The following PTGER4 variants were observed in gnomAD, a reference collection of about 807,000 sequenced individuals.
PTGER4 encodes the protein prostaglandin E2 receptor EP4 subtype.
In PTGER4, 11 loss-of-function variants were observed where a neutral mutation model predicts 33.2. That is an observed-to-expected ratio of 0.33 (90% CI 0.21 to 0.55). The LOEUF is 0.55. PTGER4 is among the 20% of genes least tolerant of loss of function. The pLI, the probability that PTGER4 is intolerant of heterozygous loss-of-function variation, is 0.92. For missense variants in PTGER4, 481 were observed against 650.2 expected (o/e 0.74, Z 2.83); for synonymous variants, 275 against 281.5 (o/e 0.98, Z 0.23).
At chr5:40,728,948 A>G in the PTGER4 span, among the ~76,000 whole-genome samples, 2 of 152,188 alleles carry the variant, frequency 1.3e-5, no homozygotes, top group Non-Finnish European at 2.9e-5. Context: ...ATTTCAAACC[A>G]TACATACTAG....
chr5:40,680,838 A>T lies in PTGER4; in HGVS notation c.-43-113A>T. The T allele has an allele frequency of 1.0e-6, 1 of 969,546 alleles. No homozygotes were observed. Among genetic ancestry groups the T allele is most frequent in the Non-Finnish European group, 1.5e-6 (1 of 654,202 alleles). The allele number at this position is 969,546 out of a possible 1,614,324, so 60.1% of individuals were successfully genotyped here. On this transcript the variant is annotated intron_variant, in intron 1 of 2. Coordinates refer to ENST00000302472, the MANE Select transcript of PTGER4 (RefSeq NM_000958.3). This position sits in a 1 kb window ranked among gnomAD's most constrained non-coding sequence, Gnocchi z 5.5. The stretch of plus-strand genomic sequence containing the variant: ...AAGTGGCTACAATCCAGAAAGTAGG[A>T]TCGAGTTGCTCCCCTTGTCTTATCA...
At chr5:40,726,539 C>T in the PTGER4 span, among the ~76,000 whole-genome samples, 9 of 139,274 alleles carry the variant, frequency 6.5e-5, no homozygotes, top group African/African-American at 2.3e-4. Flanking sequence ...CTAAAAATTA[C>T]ATTTAAATGG....
At chr5:40,738,766 T>A in the PTGER4 span, among the ~76,000 whole-genome samples, 1 of 152,124 alleles carries the variant, frequency 6.6e-6, no homozygotes, top group South Asian at 2.1e-4. Flanking sequence ...AGTATCTCAT[T>A]GTGGTTTTAA....
downstream of PTGER4, among the ~76,000 whole-genome samples, chr5:40,694,654 T>TA (rs1193958292): frequency 1.3e-5 from 2 of 152,216 alleles, no homozygotes; most frequent in Non-Finnish European, 2.9e-5. Context: ...CATACTGGAT[T>TA]AGGGCCCCAC....
chr5:40,735,290 G>T, the PTGER4 span, among the ~76,000 whole-genome samples: 1 of 151,872 alleles, frequency 6.6e-6, no homozygotes, highest in African/African-American at 2.4e-5. Flanking sequence ...AGACAGTAAG[G>T]GTACAAAAAT....
chr5:40,731,299 C>T, the PTGER4 span, among the ~76,000 whole-genome samples: 1 of 152,302 alleles, frequency 6.6e-6, no homozygotes, highest in East Asian at 1.9e-4. Context: ...CTGTGCTCCA[C>T]TCAGCAGGGT....
chr5:40,684,291 T>C (rs1489584141), intron 2 of PTGER4, among the ~76,000 whole-genome samples: 1 of 152,220 alleles, frequency 6.6e-6, no homozygotes, highest in African/African-American at 2.4e-5. Context: ...GTTGAGCTTA[T>C]CTTCAGTTCC....
the PTGER4 span, among the ~76,000 whole-genome samples, chr5:40,702,292 AAT>A: frequency 6.6e-6 from 1 of 152,228 alleles, no homozygotes; most frequent in Non-Finnish European, 1.5e-5. Context: ...TCTCACACAT[AAT>A]GACACTCACA....
At position 40,693,657 on chromosome 5, in the gene PTGER4, C is replaced by T; in HGVS notation, c.*1279C>T. The T allele has an allele frequency of 4.1e-6, 4 of 982,172 alleles. No homozygotes were observed. Among genetic ancestry groups the T allele is most frequent in the Non-Finnish European group, 4.8e-6 (4 of 826,550 alleles). 60.8% of individuals were successfully genotyped at this position (982,172 alleles called of 1,614,324 possible). A position where few individuals can be genotyped will look rare whatever the true frequency, so the allele number is the denominator to read the frequency against. Reference sequence around the variant, plus strand: ...TGCTTGGTTGTAATTAAATTCTGAGCCTGATATTGATATGGTTTTAAGAAG... The same window carrying T: ...TGCTTGGTTGTAATTAAATTCTGAGTCTGATATTGATATGGTTTTAAGAAG... On this transcript the variant is annotated 3_prime_UTR_variant, in exon 3 of 3. Transcript: ENST00000302472.
chr5:40,733,352 A>G, the PTGER4 span, among the ~76,000 whole-genome samples: 1 of 152,166 alleles, frequency 6.6e-6, no homozygotes, highest in Non-Finnish European at 1.5e-5. Context: ...CATACAGTCT[A>G]TCACAACTAT....
chr5:40,697,680 T>C (rs900463184), downstream of PTGER4, among the ~76,000 whole-genome samples: 1 of 59,648 alleles, frequency 1.7e-5, no homozygotes, highest in Non-Finnish European at 3.3e-5. Context: ...ATAGTTCTAT[T>C]AGAAAAATTA....
At chr5:40,722,330 C>T in the PTGER4 span, among the ~76,000 whole-genome samples, 2 of 152,168 alleles carry the variant, frequency 1.3e-5, no homozygotes, top group Non-Finnish European at 2.9e-5. Context: ...GCCGCCACCC[C>T]GTCTAGGAAG....
the PTGER4 span, among the ~76,000 whole-genome samples, chr5:40,724,905 T>G: frequency 6.7e-6 from 1 of 150,072 alleles, no homozygotes; most frequent in Non-Finnish European, 1.5e-5. Context: ...CATGCTGGAG[T>G]GCAGTGGTGC....
intron 2 of PTGER4, chr5:40,685,551 C>T (rs912327951): frequency 1.4e-6 from 1 of 714,226 alleles, no homozygotes; most frequent in Non-Finnish European, 1.7e-6. Context: ...TAAAAAATTG[C>T]AATGCCTAGA....
downstream of PTGER4, among the ~76,000 whole-genome samples, chr5:40,697,455 C>T (rs182722676): frequency 3.8e-3 from 575 of 151,652 alleles, 7 homozygotes; most frequent in Middle Eastern, 0.014. Context: ...CGTGGTGGCG[C>T]ATGCCTGTAA....
rs1741512500 is a variant in PTGER4 at position 40,693,030 on chromosome 5, A to C, written c.*652A>C. 1 of 901,704 alleles carries C rather than the reference A, an allele frequency of 1.1e-6. No individual in the cohort carries two copies. The highest frequency in any genetic ancestry group is 6.2e-5 in the Admixed American group (1 of 16,146). The allele number at this position is 901,704 out of a possible 1,614,324, so 55.9% of individuals were successfully genotyped here. ...ATCTATAAAATAGATATAAATTTTT[A>C]AGAGAAAGAATTTAGTATTATCAAA... On this transcript the variant is annotated 3_prime_UTR_variant, in exon 3 of 3. Coordinates refer to ENST00000302472, the MANE Select transcript of PTGER4 (RefSeq NM_000958.3).
At chr5:40,697,101 G>A (rs370282492), downstream of PTGER4, among the ~76,000 whole-genome samples, 39,316 of 90,798 alleles carry the variant, frequency 0.43, 6,949 homozygotes, top group Admixed American at 0.54. Flanking sequence ...AAAGAGAAAA[G>A]AAAGAAAGGA....
At chr5:40,709,905 C>T in the PTGER4 span, among the ~76,000 whole-genome samples, 335 of 151,380 alleles carry the variant, frequency 2.2e-3, no homozygotes, top group African/African-American at 8.0e-3. Flanking sequence ...CCCTTCCTTA[C>T]ACCTTATACA....
In PTGER4 at chr5:40,680,871, G is replaced by A; in HGVS notation, c.-43-80G>A. 7.9e-7 allele frequency: 1 copy of A among 1,259,638 alleles called. No individual in the cohort carries two copies. Among genetic ancestry groups the A allele is most frequent in the East Asian group, 2.3e-5 (1 of 42,720 alleles). 78.0% of individuals were successfully genotyped at this position (1,259,638 alleles called of 1,614,324 possible). A position where few individuals can be genotyped will look rare whatever the true frequency, so the allele number is the denominator to read the frequency against. On this transcript the variant is annotated intron_variant, in intron 1 of 2. Transcript: ENST00000302472. This position sits in a 1 kb window ranked among gnomAD's most constrained non-coding sequence, Gnocchi z 5.5. ...GCTCCCCTTGTCTTATCAGTGTATCGTTTCTCGGGCGCGGGTCTAACACCT... is the reference window on the plus strand; with the variant it reads ...GCTCCCCTTGTCTTATCAGTGTATCATTTCTCGGGCGCGGGTCTAACACCT...
Sources: allele counts gnomAD v4.1 joint callset (sites outside exome capture counted in the v4.1 genomes callset), GRCh38; gene constraint gnomAD v4.1.1; non-coding constraint Gnocchi (gnomAD v3.1); transcripts MANE v1.5; gene names NCBI Gene and HGNC (gene_info 2026-07-23, HGNC 2026-07-21).